S100Z: variants seen among roughly 807,000 people sequenced by gnomAD.
The protein encoded by S100Z is S100 calcium binding protein Z, also known as protein S100-Z.
A neutral mutation model predicts 8.5 loss-of-function variants in S100Z; 11 were observed. That is an observed-to-expected ratio of 1.30 (90% confidence interval 0.82 to 2.15). The LOEUF (loss-of-function observed/expected upper bound fraction) is 2.15. Ranked by LOEUF, S100Z falls within the 30% of genes most tolerant of loss-of-function variation. The probability of loss-of-function intolerance (pLI) is 0.00; values close to 1 mark genes in which losing one functional copy is unlikely to be tolerated. For synonymous variants in S100Z, 34 were observed against 43.8 expected (o/e 0.78, Z 0.89); for missense variants, 126 against 117.9 (o/e 1.07, Z -0.32).
At chr5:76,929,376 A>C in the S100Z span, among the ~76,000 whole-genome samples, 1 of 152,168 alleles carries the variant, frequency 6.6e-6, no homozygotes, top group Non-Finnish European at 1.5e-5. Context: ...TGCTGGACCA[A>C]TTGAACAATT....
At chr5:76,909,962 T>C (rs367674021) in intron 4 of S100Z, among the ~76,000 whole-genome samples, 8 of 152,310 alleles carry the variant, frequency 5.3e-5, no homozygotes, top group South Asian at 2.1e-4. Context: ...AAGTAAATGA[T>C]AGAATGACAG....
the S100Z span, among the ~76,000 whole-genome samples, chr5:76,938,833 A>G: frequency 6.6e-6 from 1 of 152,198 alleles, no homozygotes; most frequent in Non-Finnish European, 1.5e-5. Flanking sequence ...TTAAACTAAT[A>G]GAATGTGCCT....
chr5:76,915,079 G>A (rs890944606), intron 4 of S100Z, among the ~76,000 whole-genome samples: 1 of 152,132 alleles, frequency 6.6e-6, no homozygotes, highest in Non-Finnish European at 1.5e-5. Flanking sequence ...GTCGAGGCAG[G>A]TGGATCACGA....
intron 1 of S100Z, among the ~76,000 whole-genome samples, chr5:76,850,394 G>C (rs972323443): frequency 6.6e-6 from 1 of 152,098 alleles, no homozygotes; most frequent in East Asian, 1.9e-4. Context: ...GGAGCGTAGA[G>C]GTTCTGGTAA....
chr5:76,947,566 T>C, the S100Z span, among the ~76,000 whole-genome samples: 3 of 152,296 alleles, frequency 2.0e-5, no homozygotes. Flanking sequence ...CAAAACATTC[T>C]TGAGAAAGAA....
At chr5:76,904,667 C>G (rs1357827887) in intron 4 of S100Z, among the ~76,000 whole-genome samples, 1 of 151,976 alleles carries the variant, frequency 6.6e-6, no homozygotes, top group Non-Finnish European at 1.5e-5. Context: ...AAACATTATG[C>G]TTTTTGGTCC....
At chr5:76,899,944 T>C (rs1301721995) in intron 4 of S100Z, among the ~76,000 whole-genome samples, 2 of 152,214 alleles carry the variant, frequency 1.3e-5, no homozygotes, top group African/African-American at 4.8e-5. Context: ...ATTAATGAAA[T>C]CCCCCAGCTT....
At chr5:76,907,002 A>G (rs1483078628) in intron 4 of S100Z, among the ~76,000 whole-genome samples, 5 of 16,792 alleles carry the variant, frequency 3.0e-4, no homozygotes, top group African/African-American at 6.3e-4. Context: ...ATATATATAT[A>G]TATATATATA....
chr5:76,887,504 A>G (rs1743689452), intron 4 of S100Z, among the ~76,000 whole-genome samples: 1 of 150,344 alleles, frequency 6.7e-6, no homozygotes, highest in Non-Finnish European at 1.5e-5. Flanking sequence ...GGTTCAAGCA[A>G]TTCTCATGCC....
intron 3 of S100Z, among the ~76,000 whole-genome samples, chr5:76,877,027 A>G (rs1743215484): frequency 6.6e-6 from 1 of 152,172 alleles, no homozygotes; most frequent in Non-Finnish European, 1.5e-5. Flanking sequence ...TCTGTGTGTC[A>G]GGCACACTGT....
intron 2 of S100Z, among the ~76,000 whole-genome samples, chr5:76,872,285 C>T (rs1580006543): frequency 1.3e-5 from 2 of 152,184 alleles, no homozygotes; most frequent in East Asian, 3.9e-4. Context: ...TAACCTGCCA[C>T]CTTGGGCATA....
chr5:76,908,629 G>A (rs1018914185), intron 4 of S100Z, among the ~76,000 whole-genome samples: 1 of 152,192 alleles, frequency 6.6e-6, no homozygotes, highest in Non-Finnish European at 1.5e-5. Flanking sequence ...TCCCTCCTCA[G>A]ACAAGCAGGC....
At chr5:76,889,559 C>T (rs557539193) in intron 4 of S100Z, among the ~76,000 whole-genome samples, 1 of 152,218 alleles carries the variant, frequency 6.6e-6, no homozygotes, top group Non-Finnish European at 1.5e-5. Flanking sequence ...CCTTCTAGTC[C>T]AGGATAGACA....
intron 1 of S100Z, among the ~76,000 whole-genome samples, chr5:76,869,057 T>G (rs966504062): frequency 2.0e-5 from 3 of 152,218 alleles, no homozygotes; most frequent in African/African-American, 4.8e-5. Context: ...CAAGGCCAAC[T>G]CTTGGGGAAT....
intron 4 of S100Z, among the ~76,000 whole-genome samples, chr5:76,905,450 T>C (rs528427876): frequency 1.3e-5 from 2 of 152,328 alleles, no homozygotes; most frequent in African/African-American, 4.8e-5. Context: ...TCTCACTCTG[T>C]TGCCTAGGCT....
intron 4 of S100Z, among the ~76,000 whole-genome samples, chr5:76,904,338 G>A (rs1363970398): frequency 6.6e-6 from 1 of 151,992 alleles, no homozygotes; most frequent in Admixed American, 6.6e-5. Flanking sequence ...GGAGTGCATT[G>A]GCATGATCTC....
In S100Z at chr5:76,856,247, A is replaced by G. The variant is rs1482604683; in HGVS notation, c.-176+6092A>G. 2.0e-5 allele frequency among the ~76,000 whole-genome samples: 3 copies of G among 152,170 alleles called. No homozygotes were observed. In the East Asian group the frequency reaches 5.8e-4, roughly 29 times the overall value. ...TGCTCTTTCACCCAGGCTGGAGTGC[A>G]GTGGCATGATATTGGCTCACTGAAA... On this transcript the variant is annotated intron_variant, in intron 1 of 4. Transcript: ENST00000317593.
At chr5:76,860,980 T>C (rs186479517) in intron 1 of S100Z, among the ~76,000 whole-genome samples, 19 of 152,350 alleles carry the variant, frequency 1.2e-4, no homozygotes, top group Non-Finnish European at 2.4e-4. Flanking sequence ...AACTTTTAAA[T>C]AACAAGCTAT....
intron 1 of S100Z, among the ~76,000 whole-genome samples, chr5:76,859,782 A>AAGAAAAAAAAG (rs1751000907): frequency 6.6e-6 from 1 of 151,364 alleles, no homozygotes; most frequent in Admixed American, 6.6e-5. Context: ...AAAAAAAAAA[A>AAGAAAAAAAAG]AAAGAAATAA....
Sources: allele counts gnomAD v4.1 joint callset (sites outside exome capture counted in the v4.1 genomes callset), GRCh38; gene constraint gnomAD v4.1.1; transcripts MANE v1.5; gene names NCBI Gene and HGNC (gene_info 2026-07-23, HGNC 2026-07-21).